LIPF: variants seen among roughly 807,000 people sequenced by gnomAD.
LIPF encodes the protein gastric triacylglycerol lipase.
LIPF carries 25 observed loss-of-function variants against 38.0 expected under a neutral mutation model. That is an observed-to-expected ratio of 0.66 (90% CI 0.48 to 0.92). The LOEUF is 0.92. Ranked by LOEUF, LIPF falls within the 40% of genes least tolerant of loss-of-function variation. LIPF has a pLI of 0.00. For missense variants in LIPF, 410 were observed against 469.9 expected, an observed-to-expected ratio of 0.87 and a Z score of 1.18; for synonymous variants, 161 against 156.2, an observed-to-expected ratio of 1.03 and a Z score of -0.23.
chr10:88,673,147 T>C (rs951713156), intron 6 of LIPF, among the ~76,000 whole-genome samples: 7 of 152,234 alleles, frequency 4.6e-5, no homozygotes, highest in African/African-American at 1.7e-4. Context: ...ATTCTTATAC[T>C]GAGCCTCATT....
chr10:88,673,464 C>A, intron 6 of LIPF, 124 bp from the exon 7 acceptor site: 1 of 796,320 alleles, frequency 1.3e-6, no homozygotes, highest in Non-Finnish European at 2.0e-6. Context: ...ATTCCTAAAA[C>A]AACATGTAAG....
rs934019653 is a variant in LIPF, at chr10:88,672,056, G to T, written c.669+91G>T. On this transcript the variant is annotated intron_variant, in intron 6 of 9. Transcript: ENST00000238983. Reference sequence around the variant, plus strand: ...GAAAGAGAACAGAGTTATAAAAAGAGAACAATCATTTTTATATCCAAAAAT... The same window carrying T: ...GAAAGAGAACAGAGTTATAAAAAGATAACAATCATTTTTATATCCAAAAAT... 16 of 1,218,070 alleles carry T rather than the reference G, an allele frequency of 1.3e-5. No homozygotes were observed. In the East Asian group the frequency reaches 3.2e-4, roughly 24 times the overall value. The allele number at this position is 1,218,070 out of a possible 1,614,324, so 75.5% of individuals were successfully genotyped here.
chr10:88,675,272 C>T (rs1170051685), intron 7 of LIPF, among the ~76,000 whole-genome samples: 1 of 152,178 alleles, frequency 6.6e-6, no homozygotes, highest in Admixed American at 6.5e-5. Context: ...CTCAGAGACC[C>T]AAATTAAAGT....
chr10:88,666,661 A>G (rs1458330569), intron 1 of LIPF, among the ~76,000 whole-genome samples: 2 of 152,162 alleles, frequency 1.3e-5, no homozygotes, highest in Admixed American at 6.6e-5. Context: ...GTTCGAGACC[A>G]GTCTGAGTAA....
chr10:88,671,691 C>G, intron 5 of LIPF, 138 bp from the exon 6 acceptor site: 1 of 1,150,196 alleles, frequency 8.7e-7, no homozygotes, highest in Admixed American at 2.6e-5. Flanking sequence ...ACTGAGCCAG[C>G]AGAGATGCCA....
rs1841569300 is a variant in LIPF, at chr10:88,669,918, T to A, written c.504T>A (p.Tyr168Ter). The A allele has an allele frequency of 6.2e-7, 1 of 1,612,946 alleles. No homozygotes were observed. Among genetic ancestry groups the A allele is most frequent in the African/African-American group, 1.3e-5 (1 of 75,004 alleles). Residue 168 changes from tyrosine to a stop codon, truncating the protein, a stop_gained, in exon 5 of 10, where the codon TAT becomes TAA. Coordinates refer to ENST00000238983, the MANE Select transcript of LIPF (RefSeq NM_004190.4). LOFTEE classifies it high-confidence loss of function. ...VKKTGQKQLH[Y>*]VGHSQGTTIG... ...AAACTGGACAGAAGCAGCTACACTA[T>A]GTTGGCCATTCCCAGGGCACCACCA...
chr10:88,672,660 A>G (rs957358688), intron 6 of LIPF, among the ~76,000 whole-genome samples: 2 of 125,544 alleles, frequency 1.6e-5, no homozygotes, highest in Non-Finnish European at 3.3e-5. Flanking sequence ...ACACACACAC[A>G]CACACACACA....
At chr10:88,673,001 G>C (rs1841627985) in intron 6 of LIPF, among the ~76,000 whole-genome samples, 1 of 152,200 alleles carries the variant, frequency 6.6e-6, no homozygotes, top group Non-Finnish European at 1.5e-5. Context: ...TAGAGGCTTG[G>C]GTAAGGATTC....
chr10:88,672,914 T>C (rs955589197), intron 6 of LIPF, among the ~76,000 whole-genome samples: 1 of 152,178 alleles, frequency 6.6e-6, no homozygotes, highest in Admixed American at 6.5e-5. Flanking sequence ...TGAGAACTTA[T>C]TTCCTACTCA....
Position 88,677,488 on chromosome 10 carries a change from T to A in LIPF, c.961-957T>A, listed in dbSNP as rs138980352. ...GCCAGCATCTAGAAAACTCTTTGAA[T>A]AATAGGATGTAAGTAAAATAAGCTG... is the stretch of plus-strand genomic sequence containing the variant. On this transcript the variant is annotated intron_variant, in intron 9 of 9. Coordinates refer to ENST00000238983, the MANE Select transcript of LIPF (RefSeq NM_004190.4). Among the ~76,000 whole-genome samples, 175 of 152,304 alleles carry A rather than the reference T, an allele frequency of 1.1e-3. 1 individual carries two copies. The highest frequency in any genetic ancestry group is 3.6e-3 in the African/African-American group (150 of 41,562).
chr10:88,671,251 G>C (rs17287079), intron 5 of LIPF, among the ~76,000 whole-genome samples: 1 of 152,156 alleles, frequency 6.6e-6, no homozygotes, highest in South Asian at 2.1e-4. Context: ...TTCTTTACAT[G>C]ATTTACTTCC....
At chr10:88,666,347 T>A (rs1422774102) in intron 1 of LIPF, among the ~76,000 whole-genome samples, 2 of 152,212 alleles carry the variant, frequency 1.3e-5, no homozygotes, top group African/African-American at 4.8e-5. Flanking sequence ...TAACATACAA[T>A]TTCTCAATAA....
intron 7 of LIPF, among the ~76,000 whole-genome samples, chr10:88,674,245 A>T (rs17333886): frequency 3.1e-3 from 466 of 152,090 alleles, no homozygotes; most frequent in Middle Eastern, 0.024. Context: ...CTCGGCTCAT[A>T]GCAAGCTCCG....
Position 88,671,786 on chromosome 10 carries a change from C to CA in LIPF, c.533-42dup, listed in dbSNP as rs746708560. 64 of 1,539,312 alleles carry CA rather than the reference C, an allele frequency of 4.2e-5. No individual in the cohort carries two copies. The East Asian group carries it at 9.1e-4, about 22-fold the overall frequency. On this transcript the variant is annotated intron_variant, in intron 5 of 9. Coordinates refer to ENST00000238983, the MANE Select transcript of LIPF (RefSeq NM_004190.4). Reference sequence around the variant, plus strand: ...AAAACAAACAAAACAACAACAACAACACACACACACACCTTTTTCACCAGT... The same window carrying CA: ...AAAACAAACAAAACAACAACAACAACAACACACACACACCTTTTTCACCAGT...
chr10:88,670,567 A>G (rs902769294), intron 5 of LIPF, among the ~76,000 whole-genome samples: 9 of 152,118 alleles, frequency 5.9e-5, no homozygotes, highest in Non-Finnish European at 2.9e-5. Context: ...ATGTTCCAGG[A>G]AGACAGAATA....
At chr10:88,672,913 A>G (rs2134642718) in intron 6 of LIPF, among the ~76,000 whole-genome samples, 1 of 152,224 alleles carries the variant, frequency 6.6e-6, no homozygotes, top group African/African-American at 2.4e-5. Context: ...TTGAGAACTT[A>G]TTTCCTACTC....
chr10:88,676,150 ATTTTAT>A, intron 8 of LIPF, 53 bp from the exon 9 acceptor site: 1 of 1,022,560 alleles, frequency 9.8e-7, no homozygotes, highest in South Asian at 1.6e-5. Context: ...AAATGTTTGA[ATTTTAT>A]TTTTCACAAT....
chr10:88,669,063 G>A, intron 4 of LIPF: 1 of 262,410 alleles, frequency 3.8e-6, no homozygotes. Flanking sequence ...ATGTCCATAT[G>A]GATTCAAGAG....
At chr10:88,676,891 C>A (rs1182600206) in intron 9 of LIPF, among the ~76,000 whole-genome samples, 1 of 152,214 alleles carries the variant, frequency 6.6e-6, no homozygotes, top group Non-Finnish European at 1.5e-5. Context: ...ATTTCTTCAT[C>A]TCTCCACCCA....
Sources: allele counts gnomAD v4.1 joint callset (sites outside exome capture counted in the v4.1 genomes callset), GRCh38; gene constraint gnomAD v4.1.1; transcripts MANE v1.5; gene names NCBI Gene and HGNC (gene_info 2026-07-23, HGNC 2026-07-21).